BTRC: variants seen among roughly 807,000 people sequenced by gnomAD.
The protein encoded by BTRC is F-box/WD repeat-containing protein 1A.
Under a neutral mutation model 85.5 loss-of-function variants are expected in BTRC, and 42 were observed. The observed-to-expected ratio is 0.49, with a 90% CI of 0.38 to 0.64. The LOEUF is 0.64. Among genes scored for constraint, BTRC ranks in the 30% least tolerant of loss-of-function variants. The probability of loss-of-function intolerance (pLI) is 0.00; values close to 1 mark genes in which losing one functional copy is unlikely to be tolerated. For synonymous variants in BTRC, 255 were observed against 263.3 expected (o/e 0.97, Z 0.30); for missense variants, 594 against 743.5 (o/e 0.80, Z 2.34).
intron 13 of BTRC, among the ~76,000 whole-genome samples, chr10:101,543,734 A>G (rs77274851): frequency 1.3e-5 from 2 of 152,084 alleles, no homozygotes; most frequent in Admixed American, 1.3e-4. Flanking sequence ...ATTGCAGTCT[A>G]CTATCAGATG....
rs1942220810 is a variant in BTRC, at chr10:101,361,993, ACT to A, written c.48+7768_48+7769del. Among the ~76,000 whole-genome samples the A allele has an allele frequency of 2.0e-5, 3 of 151,952 alleles. No individual in the cohort carries two copies. The South Asian group carries it at 6.2e-4, about 32-fold the overall frequency. On this transcript the variant is annotated intron_variant, in intron 1 of 14. Transcript: ENST00000370187. ...TTCTTCCCCCTTGAGACGGAGTCTC[ACT>A]CTGTCGCCAGACTGGAGTGCAGTGG...
At chr10:101,392,437 CA>C (rs1053486997) in intron 1 of BTRC, among the ~76,000 whole-genome samples, 1 of 151,910 alleles carries the variant, frequency 6.6e-6, no homozygotes, top group Non-Finnish European at 1.5e-5. Context: ...GAACACGTAT[CA>C]AAAAAAATTT....
At chr10:101,367,946 TG>T (rs1172441928) in intron 1 of BTRC, among the ~76,000 whole-genome samples, 1 of 152,210 alleles carries the variant, frequency 6.6e-6, no homozygotes, top group African/African-American at 2.4e-5. Flanking sequence ...ATATTTCTGT[TG>T]GGTAGGTACC....
chr10:101,552,178 C>CATTTT (rs1197871533), intron 14 of BTRC, among the ~76,000 whole-genome samples: 13 of 150,524 alleles, frequency 8.6e-5, no homozygotes, highest in South Asian at 4.2e-4. Context: ...TATTTTATTT[C>CATTTT]ATTTTATTTT....
rs2062732582 is a variant in BTRC at position 101,557,162 on chromosome 10, C to T, written c.*4039C>T. On this transcript the variant is annotated 3_prime_UTR_variant, in exon 15 of 15. Transcript: ENST00000370187. ...TCTTTGTTCTCTAGACTCTTAAGTA[C>T]TGACTGCTTTGACTTTTGTGATTAT... 6.6e-6 allele frequency: 1 copy of T among 152,172 alleles called. No homozygotes were observed. Among genetic ancestry groups the T allele is most frequent in the African/African-American group, 2.4e-5 (1 of 41,436 alleles). The allele number at this position is 152,172 out of a possible 1,614,324, so 9.4% of individuals were successfully genotyped here. A position where few individuals can be genotyped will look rare whatever the true frequency, so the allele number is the denominator to read the frequency against.
At chr10:101,499,949 A>G (rs1198322553) in intron 4 of BTRC, among the ~76,000 whole-genome samples, 2 of 151,920 alleles carry the variant, frequency 1.3e-5, no homozygotes, top group African/African-American at 4.8e-5. Flanking sequence ...GCTCTCTGCA[A>G]TACAGCAGGC....
At chr10:101,401,399 G>A (rs1199972024) in intron 1 of BTRC, among the ~76,000 whole-genome samples, 1 of 152,068 alleles carries the variant, frequency 6.6e-6, no homozygotes. Context: ...GATACCACCT[G>A]GCTGTATGTA....
intron 4 of BTRC, among the ~76,000 whole-genome samples, chr10:101,502,066 G>T (rs183574037): frequency 6.6e-6 from 1 of 152,248 alleles, no homozygotes; most frequent in Admixed American, 6.5e-5. Flanking sequence ...AACCTCCAAA[G>T]TTACAGGGTA....
intron 2 of BTRC, among the ~76,000 whole-genome samples, chr10:101,447,259 C>T (rs1442872889): frequency 6.6e-6 from 1 of 152,050 alleles, no homozygotes; most frequent in East Asian, 1.9e-4. Flanking sequence ...TCAAGTGACC[C>T]ACAAGTCAGT....
At chr10:101,427,655 A>G (rs953867892) in intron 1 of BTRC, among the ~76,000 whole-genome samples, 18 of 151,678 alleles carry the variant, frequency 1.2e-4, no homozygotes, top group African/African-American at 4.1e-4. Context: ...AGCCTCCCCA[A>G]GTAGCTAGGA....
At chr10:101,404,014 AT>A in intron 1 of BTRC, among the ~76,000 whole-genome samples, 1 of 29,768 alleles carries the variant, frequency 3.4e-5, no homozygotes, top group Non-Finnish European at 6.4e-5. Flanking sequence ...ATATATATAT[AT>A]ATATATATAT....
intron 1 of BTRC, among the ~76,000 whole-genome samples, chr10:101,385,449 A>G (rs1032056641): frequency 1.3e-5 from 2 of 151,170 alleles, no homozygotes. Context: ...GATGAATTAG[A>G]AGGAAGAAAA....
At chr10:101,475,936 TA>T (rs1945670409) in intron 3 of BTRC, among the ~76,000 whole-genome samples, 3 of 118,222 alleles carry the variant, frequency 2.5e-5, no homozygotes, top group Non-Finnish European at 3.7e-5. Flanking sequence ...TATATATATA[TA>T]TATATATATA....
At chr10:101,493,316 T>C (rs984631519) in intron 4 of BTRC, among the ~76,000 whole-genome samples, 1 of 152,266 alleles carries the variant, frequency 6.6e-6, no homozygotes, top group African/African-American at 2.4e-5. Flanking sequence ...CAGGTATTTA[T>C]TGAATGTTTA....
intron 1 of BTRC, among the ~76,000 whole-genome samples, chr10:101,423,043 G>A (rs936357433): frequency 5.3e-5 from 8 of 151,970 alleles, no homozygotes; most frequent in Non-Finnish European, 1.0e-4. Flanking sequence ...TCCTATCCAT[G>A]AGTTTTTTTT....
At chr10:101,392,214 G>A (rs1020769303) in intron 1 of BTRC, among the ~76,000 whole-genome samples, 1 of 152,126 alleles carries the variant, frequency 6.6e-6, no homozygotes, top group African/African-American at 2.4e-5. Flanking sequence ...TCTTGACCTC[G>A]TGATCTGCCC....
chr10:101,509,237 A>T (rs1946626863), intron 4 of BTRC, among the ~76,000 whole-genome samples: 1 of 140,426 alleles, frequency 7.1e-6, no homozygotes, highest in Admixed American at 7.1e-5. Context: ...GACAGTGGCA[A>T]TGTGGATTTT....
intron 2 of BTRC, among the ~76,000 whole-genome samples, chr10:101,442,262 A>ATCTC (rs10531761): frequency 6.7e-4 from 87 of 129,714 alleles, no homozygotes; most frequent in Middle Eastern, 3.9e-3. Context: ...TTGAATTAGA[A>ATCTC]TCTCTCTCTC....
At chr10:101,512,562 C>A (rs1010921964) in intron 4 of BTRC, among the ~76,000 whole-genome samples, 14 of 152,148 alleles carry the variant, frequency 9.2e-5, no homozygotes, top group African/African-American at 3.4e-4. Context: ...CCAACCTATA[C>A]ATAATACAGT....
Sources: allele counts gnomAD v4.1 joint callset (sites outside exome capture counted in the v4.1 genomes callset), GRCh38; gene constraint gnomAD v4.1.1; transcripts MANE v1.5; gene names NCBI Gene and HGNC (gene_info 2026-07-23, HGNC 2026-07-21).